The following BZW2 variants were observed in gnomAD, a reference collection of about 807,000 sequenced individuals.
BZW2 encodes the protein basic leucine zipper and W2 domains 2.
A neutral mutation model predicts 53.2 loss-of-function variants in BZW2; 23 were observed. The ratio of observed to expected loss-of-function variants is 0.43; its 90% CI spans 0.31 to 0.61. The LOEUF (loss-of-function observed/expected upper bound fraction) is 0.61. BZW2 is among the 20% of genes least tolerant of loss of function. The pLI is 0.09. For missense variants in BZW2, 409 were observed against 503.1 expected (o/e 0.81, Z 1.79); for synonymous variants, 227 against 186.4 (o/e 1.22, Z -1.77).
chr7:16,688,899 G>A (rs1438827144), intron 6 of BZW2, among the ~76,000 whole-genome samples: 1 of 151,966 alleles, frequency 6.6e-6, no homozygotes, highest in African/African-American at 2.4e-5. Flanking sequence ...AACAGCCTTG[G>A]TATTTTTATA....
intron 1 of BZW2, among the ~76,000 whole-genome samples, chr7:16,656,071 A>T (rs1317829815): frequency 6.6e-6 from 1 of 151,180 alleles, no homozygotes; most frequent in African/African-American, 2.4e-5. Flanking sequence ...TTGTCTCAAT[A>T]GTCATATATA....
chr7:16,690,709 G>A (rs891521998), intron 7 of BZW2, among the ~76,000 whole-genome samples: 2 of 152,192 alleles, frequency 1.3e-5, no homozygotes, highest in Non-Finnish European at 2.9e-5. Flanking sequence ...AATTAAACAA[G>A]TTAATTGTGT....
At chr7:16,656,555 G>GCGCACACACACA (rs1321463865) in intron 1 of BZW2, among the ~76,000 whole-genome samples, 9 of 141,202 alleles carry the variant, frequency 6.4e-5, no homozygotes, top group African/African-American at 2.4e-4. Context: ...GCGCGCGCGC[G>GCGCACACACACA]CACACACACA....
chr7:16,662,847 A>G (rs1782307670), intron 1 of BZW2, among the ~76,000 whole-genome samples: 1 of 152,176 alleles, frequency 6.6e-6, no homozygotes, highest in African/African-American at 2.4e-5. Flanking sequence ...TTGGCAGAGA[A>G]GTCTGCTGGA....
chr7:16,668,951 G>A (rs1369402729), intron 2 of BZW2, among the ~76,000 whole-genome samples: 1 of 152,022 alleles, frequency 6.6e-6, no homozygotes, highest in Non-Finnish European at 1.5e-5. Context: ...ATGAGCAATT[G>A]GATTATGCTT....
At chr7:16,682,872 T>G in intron 5 of BZW2, 27 bp downstream of exon 5, 1 of 1,472,684 alleles carries the variant, frequency 6.8e-7, no homozygotes, top group South Asian at 1.2e-5. Flanking sequence ...AATGCCTATC[T>G]GTTTTATAGT....
chr7:16,674,361 C>CT, intron 2 of BZW2, 51 bp from the exon 3 acceptor site: 1 of 1,344,836 alleles, frequency 7.4e-7, no homozygotes. Flanking sequence ...TTGTTATACT[C>CT]TCAGTATTTA....
intron 2 of BZW2, among the ~76,000 whole-genome samples, chr7:16,672,779 C>A (rs968492733): frequency 6.6e-6 from 1 of 152,154 alleles, no homozygotes; most frequent in Admixed American, 6.5e-5. Flanking sequence ...GGCTCCAAGT[C>A]GACCTTCCAC....
intron 1 of BZW2, among the ~76,000 whole-genome samples, chr7:16,663,976 A>G (rs1190360753): frequency 6.6e-6 from 1 of 152,188 alleles, no homozygotes; most frequent in African/African-American, 2.4e-5. Context: ...CCAAAAAGAT[A>G]AAAAATCTAT....
chr7:16,657,146 G>A (rs1314950672), intron 1 of BZW2, among the ~76,000 whole-genome samples: 1 of 152,128 alleles, frequency 6.6e-6, no homozygotes, highest in African/African-American at 2.4e-5. Flanking sequence ...CTTCAAAAGA[G>A]GTTAAAACGT....
chr7:16,664,457 T>A (rs1782359403), intron 1 of BZW2, among the ~76,000 whole-genome samples: 1 of 152,200 alleles, frequency 6.6e-6, no homozygotes, highest in Non-Finnish European at 1.5e-5. Flanking sequence ...CTGGGGACGA[T>A]CTTTCCTGAA....
intron 2 of BZW2, among the ~76,000 whole-genome samples, chr7:16,668,615 T>C (rs1293417477): frequency 6.6e-6 from 1 of 152,214 alleles, no homozygotes; most frequent in Non-Finnish European, 1.5e-5. Flanking sequence ...TTAGCAATTT[T>C]GTAGAGCTGG....
intron 1 of BZW2, among the ~76,000 whole-genome samples, chr7:16,655,868 G>A (rs545133251): frequency 1.3e-5 from 2 of 152,138 alleles, no homozygotes; most frequent in African/African-American, 4.8e-5. Flanking sequence ...AGGGTTCTAT[G>A]TGTACATAAT....
chr7:16,656,555 G>GCGCACA (rs1321463865), intron 1 of BZW2, among the ~76,000 whole-genome samples: 48 of 141,302 alleles, frequency 3.4e-4, no homozygotes, highest in African/African-American at 1.2e-3. Context: ...GCGCGCGCGC[G>GCGCACA]CACACACACA....
intron 5 of BZW2, among the ~76,000 whole-genome samples, chr7:16,684,188 A>T (rs1341286856): frequency 6.6e-6 from 1 of 152,242 alleles, no homozygotes. Context: ...GAAAATGCCC[A>T]TGACAAATTA....
intron 1 of BZW2, among the ~76,000 whole-genome samples, chr7:16,656,596 C>CACAA (rs887719180): frequency 7.1e-6 from 1 of 140,116 alleles, no homozygotes; most frequent in African/African-American, 2.6e-5. Context: ...CACACACACA[C>CACAA]AAGTAGGTTT....
In BZW2 at chr7:16,680,217, G is replaced by T. The variant is rs537668960; in HGVS notation, c.236-1084G>T. Among the ~76,000 whole-genome samples the T allele has an allele frequency of 9.2e-5, 14 of 152,224 alleles. No individual in the cohort carries two copies. In the South Asian group the frequency reaches 1.2e-3, roughly 14 times the overall value. ...GGTCAGTTCTGTAGTTGGTGATCTA[G>T]GTAGAGTATCTGCAAAATACTTGCA... On this transcript the variant is annotated intron_variant, in intron 3 of 11. Coordinates refer to ENST00000258761, the MANE Select transcript of BZW2 (RefSeq NM_014038.3).
intron 7 of BZW2, among the ~76,000 whole-genome samples, chr7:16,694,594 C>T (rs1429103545): frequency 6.6e-6 from 1 of 152,130 alleles, no homozygotes; most frequent in Non-Finnish European, 1.5e-5. Flanking sequence ...TCAGTATTGC[C>T]ACAGTAGGGT....
chr7:16,654,516 C>CT (rs991486518), intron 1 of BZW2, among the ~76,000 whole-genome samples: 1 of 141,228 alleles, frequency 7.1e-6, no homozygotes, highest in African/African-American at 2.6e-5. Flanking sequence ...ATAACCCCCC[C>CT]CCCCCAAAAA....
Sources: allele counts gnomAD v4.1 joint callset (sites outside exome capture counted in the v4.1 genomes callset), GRCh38; gene constraint gnomAD v4.1.1; transcripts MANE v1.5; gene names NCBI Gene and HGNC (gene_info 2026-07-23, HGNC 2026-07-21).